Variants in ZDHHC13 observed in about 807,000 individuals in gnomAD.
ZDHHC13 encodes the protein palmitoyltransferase ZDHHC13.
A neutral mutation model predicts 86.0 loss-of-function variants in ZDHHC13; 85 were observed. The observed-to-expected ratio is 0.99, with a 90% CI of 0.83 to 1.18. ZDHHC13 has a LOEUF of 1.18. ZDHHC13 is among the 50% of genes most tolerant of loss of function. ZDHHC13 has a pLI of 0.00. For synonymous variants in ZDHHC13, 263 were observed against 246.4 expected (o/e 1.07, Z -0.63); for missense variants, 711 against 730.2 (o/e 0.97, Z 0.30).
At chr11:19,165,741 C>A (rs975974922) in intron 13 of ZDHHC13, among the ~76,000 whole-genome samples, 1 of 152,146 alleles carries the variant, frequency 6.6e-6, no homozygotes, top group African/African-American at 2.4e-5. Flanking sequence ...CTGTGTTCCC[C>A]CTGATTAAGT....
chr11:19,145,622 A>T (rs893635942), intron 2 of ZDHHC13, among the ~76,000 whole-genome samples: 10 of 152,312 alleles, frequency 6.6e-5, no homozygotes, highest in Admixed American at 2.0e-4. Flanking sequence ...ATGTAGTTTC[A>T]CATTGCTGAT....
intron 1 of ZDHHC13, among the ~76,000 whole-genome samples, chr11:19,140,197 A>G (rs1451989873): frequency 6.6e-6 from 1 of 151,458 alleles, no homozygotes; most frequent in East Asian, 1.9e-4. Flanking sequence ...AGAATCTACA[A>G]TGAACTCCAA....
chr11:19,157,424 T>G (rs2133444168), intron 9 of ZDHHC13, among the ~76,000 whole-genome samples: 1 of 152,318 alleles, frequency 6.6e-6, no homozygotes, highest in South Asian at 2.1e-4. Context: ...GCTTTTGTCA[T>G]AAGAGCAAAT....
Position 19,146,280 on chromosome 11 carries a change from T to C in ZDHHC13, c.273T>C (p.Ile91=), listed in dbSNP as rs773772402. 6.2e-7 allele frequency: 1 copy of C among 1,613,408 alleles called. No individual in the cohort carries two copies. Among genetic ancestry groups the C allele is most frequent in the Admixed American group, 1.7e-5 (1 of 59,962 alleles). Residue 91 remains isoleucine (I), a synonymous_variant, in exon 3 of 17, where the codon ATT becomes ATC. Coordinates refer to ENST00000446113, the MANE Select transcript of ZDHHC13 (RefSeq NM_019028.3). ...TGTCGCTTCTTCATTGGGCTGCTATTAACAACAGACTGGATCTTGTAAAGT... is the reference window on the plus strand; with the variant it reads ...TGTCGCTTCTTCATTGGGCTGCTATCAACAACAGACTGGATCTTGTAAAGT... The part of the protein sequence containing the change: ...ENVSLLHWAA[I]NNRLDLVKFY...
At chr11:19,138,339 T>TA (rs1292414896) in intron 1 of ZDHHC13, among the ~76,000 whole-genome samples, 1 of 151,756 alleles carries the variant, frequency 6.6e-6, no homozygotes, top group Non-Finnish European at 1.5e-5. Flanking sequence ...CCTCAACACA[T>TA]ACACTCTCCC....
intron 6 of ZDHHC13, among the ~76,000 whole-genome samples, chr11:19,151,204 C>A (rs2133426700): frequency 6.6e-6 from 1 of 152,164 alleles, no homozygotes; most frequent in African/African-American, 2.4e-5. Context: ...TCTCTGACAT[C>A]ATTCTTGACT....
intron 1 of ZDHHC13, among the ~76,000 whole-genome samples, chr11:19,125,970 G>A (rs1848865207): frequency 6.6e-6 from 1 of 152,068 alleles, no homozygotes. Flanking sequence ...TGGCGGTTAC[G>A]TGACTCCATA....
intron 1 of ZDHHC13, among the ~76,000 whole-genome samples, chr11:19,120,947 A>G (rs565304332): frequency 2.0e-5 from 3 of 152,370 alleles, no homozygotes; most frequent in Non-Finnish European, 2.9e-5. Context: ...AAACTGGCAT[A>G]TAGGATAAGC....
At chr11:19,126,273 C>G (rs1018300512) in intron 1 of ZDHHC13, among the ~76,000 whole-genome samples, 1 of 151,880 alleles carries the variant, frequency 6.6e-6, no homozygotes, top group Non-Finnish European at 1.5e-5. Flanking sequence ...CCTCTCTCTC[C>G]TCCCACCCTC....
In ZDHHC13 at chr11:19,117,654, G is replaced by T; in HGVS notation, c.27+378G>T. 1 of 244,668 alleles carries T rather than the reference G, an allele frequency of 4.1e-6. No individual in the cohort carries two copies. Among genetic ancestry groups the T allele is most frequent in the East Asian group, 7.5e-5 (1 of 13,418 alleles). The allele number at this position is 244,668 out of a possible 1,614,324, so 15.2% of individuals were successfully genotyped here. On this transcript the variant is annotated intron_variant, in intron 1 of 16. Coordinates refer to ENST00000446113, the MANE Select transcript of ZDHHC13 (RefSeq NM_019028.3). The surrounding 1 kb of genome is among the most constrained non-coding windows in gnomAD (Gnocchi z 4.2). ...TTCGGACCCGCCCGTCTTGACGTTGGCCCGGAGTCGGAGCGGTTCTGTTGA... is the reference window on the plus strand; with the variant it reads ...TTCGGACCCGCCCGTCTTGACGTTGTCCCGGAGTCGGAGCGGTTCTGTTGA...
Position 19,149,342 on chromosome 11 carries a change from A to C in ZDHHC13, c.519+11A>C. 6.4e-7 allele frequency: 1 copy of C among 1,568,362 alleles called. No individual in the cohort carries two copies. The highest frequency in any genetic ancestry group is 8.7e-7 in the Non-Finnish European group (1 of 1,151,502). Reference sequence around the variant, plus strand: ...ATCTCAAAGGGACAGGTATGTTCTGAAATGTGTCTTATACTCCAGTTTTTA... The same window carrying C: ...ATCTCAAAGGGACAGGTATGTTCTGCAATGTGTCTTATACTCCAGTTTTTA... On this transcript the variant is annotated intron_variant, in intron 5 of 16. Transcript: ENST00000446113.
intron 1 of ZDHHC13, among the ~76,000 whole-genome samples, chr11:19,123,854 A>G (rs1298069881): frequency 6.6e-6 from 1 of 152,180 alleles, no homozygotes; most frequent in African/African-American, 2.4e-5. Flanking sequence ...ATAGGATGCC[A>G]TTTTTAGCCA....
intron 1 of ZDHHC13, among the ~76,000 whole-genome samples, chr11:19,135,821 C>T (rs1416852708): frequency 6.6e-6 from 1 of 152,220 alleles, no homozygotes; most frequent in Admixed American, 6.5e-5. Context: ...AGACTGACAC[C>T]TCACATGGCC....
At chr11:19,146,401 C>A (rs1287982324) in intron 3 of ZDHHC13, 98 bp downstream of exon 3, 6 of 1,359,528 alleles carry the variant, frequency 4.4e-6, no homozygotes, top group Non-Finnish European at 4.8e-6. Context: ...CATGTGTAAT[C>A]CTCGTGTAAA....
rs928413898 is a variant in ZDHHC13 at position 19,147,682 on chromosome 11, T to A, written c.374+9T>A. 2.5e-5 allele frequency: 40 copies of A among 1,588,482 alleles called. No individual in the cohort carries two copies. Among genetic ancestry groups the A allele is most frequent in the Non-Finnish European group, 3.3e-5 (39 of 1,165,476 alleles). ...CTTCACTGGGCCATCCGGTAAGGTT[T>A]CTTTGAACACTGAAATTAAATAGCC... is the stretch of plus-strand genomic sequence containing the variant. On this transcript the variant is annotated intron_variant, in intron 4 of 16. Transcript: ENST00000446113.
intron 2 of ZDHHC13, 145 bp downstream of exon 2, chr11:19,143,268 C>A: frequency 1.2e-6 from 1 of 851,844 alleles, no homozygotes; most frequent in Non-Finnish European, 1.7e-6. Context: ...GTCATACCAA[C>A]ACCACAGTAC....
intron 1 of ZDHHC13, among the ~76,000 whole-genome samples, chr11:19,119,134 C>T (rs1229972120): frequency 6.6e-6 from 1 of 152,034 alleles, no homozygotes; most frequent in African/African-American, 2.4e-5. Context: ...TTTTTTCAGA[C>T]AGAGTCTTGC....
At chr11:19,137,608 A>T (rs958760715) in intron 1 of ZDHHC13, among the ~76,000 whole-genome samples, 7 of 152,126 alleles carry the variant, frequency 4.6e-5, no homozygotes, top group African/African-American at 1.2e-4. Context: ...AATCAACAGA[A>T]TATACATTTA....
At chr11:19,141,260 T>C (rs796967430) in intron 1 of ZDHHC13, among the ~76,000 whole-genome samples, 5 of 152,262 alleles carry the variant, frequency 3.3e-5, no homozygotes, top group African/African-American at 1.2e-4. Context: ...TAGTCAAAGA[T>C]ATCACTGTGA....
Sources: allele counts gnomAD v4.1 joint callset (sites outside exome capture counted in the v4.1 genomes callset), GRCh38; gene constraint gnomAD v4.1.1; non-coding constraint Gnocchi (gnomAD v3.1); transcripts MANE v1.5; gene names NCBI Gene and HGNC (gene_info 2026-07-23, HGNC 2026-07-21).